VPS13B: variants seen among roughly 807,000 people sequenced by gnomAD.
VPS13B encodes vacuolar protein sorting 13 homolog B.
In VPS13B, 285 loss-of-function variants were observed where a neutral mutation model predicts 426.4. The observed-to-expected ratio is 0.67, with a 90% CI of 0.61 to 0.74. The LOEUF (loss-of-function observed/expected upper bound fraction) is 0.74, where lower values mean the gene tolerates loss of function less well. VPS13B is among the 30% of genes least tolerant of loss of function. The pLI is 0.00. For synonymous variants in VPS13B, 1,676 were observed against 1,676.4 expected (o/e 1.00, Z 0.01); for missense variants, 4,537 against 4,782.6 (o/e 0.95, Z 1.51).
chr8:99,735,979 G>A (rs186089137), intron 39 of VPS13B, among the ~76,000 whole-genome samples: 74 of 152,278 alleles, frequency 4.9e-4, no homozygotes, highest in Admixed American at 3.1e-3. Context: ...CGCTTGGGTC[G>A]CAGTGGGCTT....
At chr8:99,148,721 C>A (rs1810889667) in intron 14 of VPS13B, among the ~76,000 whole-genome samples, 1 of 152,132 alleles carries the variant, frequency 6.6e-6, no homozygotes. Flanking sequence ...TTATTACTTA[C>A]ATAGACAGCA....
At chr8:99,549,968 C>A (rs1824192101) in intron 30 of VPS13B, among the ~76,000 whole-genome samples, 1 of 152,058 alleles carries the variant, frequency 6.6e-6, no homozygotes, top group African/African-American at 2.4e-5. Context: ...CTATGTGCTT[C>A]CAATTTTATT....
intron 20 of VPS13B, among the ~76,000 whole-genome samples, chr8:99,388,724 C>T (rs920042650): frequency 5.3e-5 from 8 of 152,192 alleles, no homozygotes; most frequent in African/African-American, 1.9e-4. Flanking sequence ...CATGCAGCAT[C>T]TTTATTAGCA....
intron 33 of VPS13B, among the ~76,000 whole-genome samples, chr8:99,616,120 T>C (rs1828075049): frequency 6.6e-6 from 1 of 152,204 alleles, no homozygotes; most frequent in Non-Finnish European, 1.5e-5. Context: ...AGTTTAAAAC[T>C]GCTGTATTCT....
At chr8:99,289,091 GAAAGAA>G (rs1230349215) in intron 19 of VPS13B, among the ~76,000 whole-genome samples, 5 of 151,920 alleles carry the variant, frequency 3.3e-5, no homozygotes, top group South Asian at 2.1e-4. Flanking sequence ...AGGAAAGAAA[GAAAGAA>G]AAAGAAAGAA....
At chr8:99,558,424 T>TATC (rs1463050156) in intron 31 of VPS13B, among the ~76,000 whole-genome samples, 1 of 152,226 alleles carries the variant, frequency 6.6e-6, no homozygotes, top group East Asian at 1.9e-4. Context: ...TTATTATTAT[T>TATC]ATGCTTTTAA....
intron 27 of VPS13B, among the ~76,000 whole-genome samples, chr8:99,506,420 T>C (rs1318551519): frequency 6.6e-6 from 1 of 152,244 alleles, no homozygotes; most frequent in Non-Finnish European, 1.5e-5. Context: ...TTACGTATTA[T>C]GTTGTACTTT....
At chr8:99,179,058 A>C (rs1812797474) in intron 16 of VPS13B, among the ~76,000 whole-genome samples, 1 of 152,240 alleles carries the variant, frequency 6.6e-6, no homozygotes, top group Admixed American at 6.5e-5. Context: ...GCTTCTTAGA[A>C]GAATCTGTTA....
intron 3 of VPS13B, among the ~76,000 whole-genome samples, chr8:99,069,731 G>A (rs377592378): frequency 1.3e-5 from 2 of 152,102 alleles, no homozygotes; most frequent in South Asian, 2.1e-4. Flanking sequence ...AAGAGAGGTT[G>A]TTATATTCAG....
At chr8:99,459,143 A>G (rs995403465) in intron 23 of VPS13B, among the ~76,000 whole-genome samples, 1 of 152,120 alleles carries the variant, frequency 6.6e-6, no homozygotes, top group African/African-American at 2.4e-5. Context: ...AACGTCTAGC[A>G]TATGGTCTGT....
chr8:99,075,817 C>T (rs989257309), intron 3 of VPS13B, among the ~76,000 whole-genome samples: 2 of 152,080 alleles, frequency 1.3e-5, no homozygotes, highest in Admixed American at 1.3e-4. Flanking sequence ...TTTATCTTTT[C>T]AAAAAGCTAA....
intron 50 of VPS13B, 62 bp from the exon 51 acceptor site, chr8:99,823,770 T>A: frequency 6.5e-7 from 1 of 1,546,546 alleles, no homozygotes; most frequent in Non-Finnish European, 8.9e-7. Context: ...TTAGGAATAC[T>A]CAAGAGATTT....
chr8:99,611,485 TC>T (rs1430677079), intron 33 of VPS13B, among the ~76,000 whole-genome samples: 1 of 152,060 alleles, frequency 6.6e-6, no homozygotes, highest in Non-Finnish European at 1.5e-5. Flanking sequence ...ATATGCATTA[TC>T]TCATTATCTC....
chr8:99,859,283 C>T (rs752451857), intron 56 of VPS13B, 21 bp from the exon 57 acceptor site: 9 of 1,612,898 alleles, frequency 5.6e-6, no homozygotes, highest in Non-Finnish European at 7.6e-6. Flanking sequence ...TCAATCACCC[C>T]TTCCCTCTTG....
intron 30 of VPS13B, among the ~76,000 whole-genome samples, chr8:99,522,880 C>T (rs1213356392): frequency 6.6e-6 from 1 of 152,120 alleles, no homozygotes; most frequent in Non-Finnish European, 1.5e-5. Context: ...AAAGGAGTAA[C>T]AGCAGAATTA....
rs74483735 is a variant in VPS13B at position 99,324,207 on chromosome 8, A to G, written c.2824+48953A>G. Reference sequence around the variant, plus strand: ...GCAGAGATATGAACATGGGAAAGTAATTAATCTATTATAGTCTTTCATGAT... The same window carrying G: ...GCAGAGATATGAACATGGGAAAGTAGTTAATCTATTATAGTCTTTCATGAT... On this transcript the variant is annotated intron_variant, in intron 19 of 61. Transcript: ENST00000357162. Among the ~76,000 whole-genome samples, 1,493 of 152,320 alleles carry G rather than the reference A, an allele frequency of 9.8e-3. 14 individuals carry two copies. Among genetic ancestry groups the G allele is most frequent in the Non-Finnish European group, 0.013 (891 of 68,022 alleles).
At chr8:99,220,390 T>G (rs1044163465) in intron 17 of VPS13B, among the ~76,000 whole-genome samples, 9 of 152,222 alleles carry the variant, frequency 5.9e-5, no homozygotes, top group Admixed American at 2.0e-4. Flanking sequence ...TAAGACATAT[T>G]AATTTGTATT....
chr8:99,857,938 G>A (rs1235191209), intron 56 of VPS13B, among the ~76,000 whole-genome samples: 1 of 152,222 alleles, frequency 6.6e-6, no homozygotes, highest in Non-Finnish European at 1.5e-5. Context: ...TTCCAGAGAA[G>A]GGAGGAGGGC....
chr8:99,057,751 C>G (rs764026444), intron 3 of VPS13B, among the ~76,000 whole-genome samples: 17 of 152,138 alleles, frequency 1.1e-4, no homozygotes, highest in Non-Finnish European at 1.6e-4. Context: ...TGTCAGTGAA[C>G]AATTCCACTG....
Sources: allele counts gnomAD v4.1 joint callset (sites outside exome capture counted in the v4.1 genomes callset), GRCh38; gene constraint gnomAD v4.1.1; transcripts MANE v1.5; gene names NCBI Gene and HGNC (gene_info 2026-07-23, HGNC 2026-07-21).